Variants in PKIB observed in about 807,000 individuals in gnomAD.
PKIB encodes cAMP-dependent protein kinase inhibitor beta, also known as PKI-beta.
Under a neutral mutation model 4.5 loss-of-function variants are expected in PKIB, and 2 were observed. The observed-to-expected ratio is 0.44, with a 90% CI of 0.18 to 1.39. The LOEUF is 1.39. Among genes scored for constraint, PKIB ranks in the 40% most tolerant of loss-of-function variants. The probability of loss-of-function intolerance (pLI) is 0.27; values close to 1 mark genes in which losing one functional copy is unlikely to be tolerated. For synonymous variants in PKIB, 38 were observed against 36.0 expected (o/e 1.06, Z -0.20); for missense variants, 94 against 92.6 (o/e 1.02, Z -0.06).
chr6:122,684,639 C>G (rs879783623), intron 3 of PKIB, among the ~76,000 whole-genome samples: 3 of 152,178 alleles, frequency 2.0e-5, no homozygotes, highest in Non-Finnish European at 2.9e-5. Flanking sequence ...TCAAATTAAT[C>G]AGATGATTAG....
At chr6:122,576,710 A>ATATATATATATATATATATATATTTTTT (rs59569106) in intron 2 of PKIB, among the ~76,000 whole-genome samples, 2 of 110,034 alleles carry the variant, frequency 1.8e-5, no homozygotes, top group African/African-American at 7.9e-5. Context: ...ATATATATAT[A>ATATATATATATATATATATATATTTTTT]TTTTCTTTTG....
At chr6:122,514,734 TAAC>T (rs1286637836) in intron 2 of PKIB, among the ~76,000 whole-genome samples, 2 of 152,180 alleles carry the variant, frequency 1.3e-5, no homozygotes, top group Non-Finnish European at 2.9e-5. Flanking sequence ...TATTCATTTT[TAAC>T]AACAGCCCAG....
At chr6:122,619,726 A>G (rs1257439984) in intron 1 of PKIB, among the ~76,000 whole-genome samples, 8 of 152,140 alleles carry the variant, frequency 5.3e-5, no homozygotes, top group Non-Finnish European at 7.4e-5. Context: ...GTTGGTCCTG[A>G]AAAACAGCTA....
intron 2 of PKIB, among the ~76,000 whole-genome samples, chr6:122,490,150 T>C (rs1775897002): frequency 6.6e-6 from 1 of 152,234 alleles, no homozygotes; most frequent in Admixed American, 6.5e-5. Context: ...ATAGAGTCAT[T>C]CAAATTGTGT....
At chr6:122,668,722 G>T (rs769871017) in intron 2 of PKIB, among the ~76,000 whole-genome samples, 10 of 152,142 alleles carry the variant, frequency 6.6e-5, no homozygotes, top group Non-Finnish European at 1.5e-4. Context: ...GAATGCTGAT[G>T]ACCTTCCAGG....
intron 2 of PKIB, among the ~76,000 whole-genome samples, chr6:122,652,490 T>C (rs1776599963): frequency 6.6e-6 from 1 of 152,126 alleles, no homozygotes; most frequent in African/African-American, 2.4e-5. Context: ...CATCTGTTCT[T>C]TTGATGATTG....
chr6:122,569,304 A>G (rs1056591952), intron 2 of PKIB, among the ~76,000 whole-genome samples: 2 of 152,214 alleles, frequency 1.3e-5, no homozygotes, highest in Admixed American at 6.5e-5. Context: ...TCCTGCTGCT[A>G]CTACCACAGC....
At chr6:122,591,385 C>A (rs562996071) in intron 3 of PKIB, among the ~76,000 whole-genome samples, 6 of 152,218 alleles carry the variant, frequency 3.9e-5, no homozygotes, top group African/African-American at 1.2e-4. Context: ...TATCTATTCA[C>A]CATTCTTTGC....
At position 122,648,223 on chromosome 6, in the gene PKIB, C is replaced by T. The variant is rs1008236460; in HGVS notation, c.-76+14856C>T. Among the ~76,000 whole-genome samples, 25 of 152,204 alleles carry T rather than the reference C, an allele frequency of 1.6e-4. 1 individual carries two copies. Among genetic ancestry groups the T allele is most frequent in the Non-Finnish European group, 3.1e-4 (21 of 68,048 alleles). Reference sequence around the variant, plus strand: ...GAACACCTCCCTTTGAAACTAAGACCTCTCCACCAGCACAGCATAAGGTTG... The same window carrying T: ...GAACACCTCCCTTTGAAACTAAGACTTCTCCACCAGCACAGCATAAGGTTG... On this transcript the variant is annotated intron_variant, in intron 2 of 4. Transcript: ENST00000368452.
rs192276798 is a variant in PKIB, at chr6:122,489,387, A to G, written c.-248+11448A>G. Reference sequence around the variant, plus strand: ...CTCAGCCTCCTGAGTAGCTGGGATTACAGGCACCTGCCACCACACCCAGCT... The same window carrying G: ...CTCAGCCTCCTGAGTAGCTGGGATTGCAGGCACCTGCCACCACACCCAGCT... On this transcript the variant is annotated intron_variant, in intron 2 of 6. Coordinates refer to the PKIB transcript ENST00000392491. 3.1e-3 allele frequency among the ~76,000 whole-genome samples: 471 copies of G among 152,216 alleles called. 1 individual carries two copies. Among genetic ancestry groups the G allele is most frequent in the African/African-American group, 0.011 (449 of 41,544 alleles).
intron 3 of PKIB, among the ~76,000 whole-genome samples, chr6:122,689,188 A>C (rs1490791855): frequency 6.6e-6 from 1 of 151,918 alleles, no homozygotes; most frequent in East Asian, 1.9e-4. Context: ...AAGGTTTGTC[A>C]ATTTTGGTTA....
chr6:122,681,848 A>G (rs1375867624), intron 3 of PKIB, among the ~76,000 whole-genome samples: 2 of 152,212 alleles, frequency 1.3e-5, no homozygotes, highest in African/African-American at 4.8e-5. Context: ...ACTGTGCACC[A>G]TGTAACTAAT....
At chr6:122,524,745 A>T (rs1430973539) in intron 2 of PKIB, among the ~76,000 whole-genome samples, 1 of 151,718 alleles carries the variant, frequency 6.6e-6, no homozygotes, top group Non-Finnish European at 1.5e-5. Flanking sequence ...TTCTTTTAGG[A>T]TATTCAATTT....
At chr6:122,714,784 T>G (rs1779412326) in intron 3 of PKIB, among the ~76,000 whole-genome samples, 1 of 152,092 alleles carries the variant, frequency 6.6e-6, no homozygotes, top group African/African-American at 2.4e-5. Context: ...ATGACACAAG[T>G]TTACCTACGT....
At chr6:122,691,691 C>T (rs1007684761) in intron 3 of PKIB, among the ~76,000 whole-genome samples, 3 of 152,010 alleles carry the variant, frequency 2.0e-5, no homozygotes, top group Non-Finnish European at 4.4e-5. Context: ...GGATTGGTCC[C>T]TGGTAGCTTA....
chr6:122,474,715 T>G (rs1775408130), intron 1 of PKIB, among the ~76,000 whole-genome samples: 1 of 152,224 alleles, frequency 6.6e-6, no homozygotes, highest in African/African-American at 2.4e-5. Context: ...AGAATAGACA[T>G]GCACAGAAAT....
At chr6:122,556,059 G>C (rs557672888) in intron 2 of PKIB, among the ~76,000 whole-genome samples, 1 of 152,146 alleles carries the variant, frequency 6.6e-6, no homozygotes, top group Admixed American at 6.5e-5. Context: ...TAATCCCCAC[G>C]TGTTGGGGAA....
At chr6:122,553,587 A>G (rs1325483709) in intron 2 of PKIB, among the ~76,000 whole-genome samples, 2 of 148,096 alleles carry the variant, frequency 1.4e-5, no homozygotes, top group African/African-American at 2.5e-5. Context: ...AGCCATCCAT[A>G]GGTCTGTCTC....
chr6:122,494,840 C>T (rs1056172584), intron 2 of PKIB, among the ~76,000 whole-genome samples: 1 of 152,102 alleles, frequency 6.6e-6, no homozygotes, highest in Non-Finnish European at 1.5e-5. Context: ...AATGAGTGTC[C>T]CCAGAGGATC....
Sources: allele counts gnomAD v4.1 joint callset (sites outside exome capture counted in the v4.1 genomes callset), GRCh38; gene constraint gnomAD v4.1.1; transcripts MANE v1.5; gene names NCBI Gene and HGNC (gene_info 2026-07-23, HGNC 2026-07-21).